The following SAMMSON variants were observed in gnomAD, a reference collection of about 807,000 sequenced individuals.
SAMMSON encodes survival associated mitochondrial melanoma specific oncogenic non-coding RNA.
chr3:70,134,225 A>G (rs2067496418), intron 4 of SAMMSON, among the ~76,000 whole-genome samples: 1 of 151,304 alleles, frequency 6.6e-6, no homozygotes, highest in East Asian at 1.9e-4. Context: ...GTGCCACTGC[A>G]CTCCAGTCTA....
intron 4 of SAMMSON, among the ~76,000 whole-genome samples, chr3:70,187,105 G>T (rs1331404741): frequency 6.6e-6 from 1 of 152,174 alleles, no homozygotes; most frequent in African/African-American, 2.4e-5. Context: ...ACCCACCAAG[G>T]CCGAATGGGG....
intron 4 of SAMMSON, among the ~76,000 whole-genome samples, chr3:70,219,083 A>C (rs995694845): frequency 8.5e-5 from 13 of 152,182 alleles, no homozygotes; most frequent in Non-Finnish European, 1.9e-4. Flanking sequence ...AACACCAAAT[A>C]GTCATTATAG....
rs959270409 is a variant in SAMMSON at position 70,014,459 on chromosome 3, T to TA, written n.417+788dup. On this transcript the variant is annotated intron_variant and non_coding_transcript_variant, in intron 3 of 9. Transcript: ENST00000642114. ...GCATAGTCCCTGATTCCTCAAGACA[T>TA]ACGTTTATTCTTTTCTTCAATGTCT... is the stretch of plus-strand genomic sequence containing the variant. 2.6e-5 allele frequency: 4 copies of TA among 152,328 alleles called. No homozygotes were observed. In the East Asian group the frequency reaches 7.7e-4, roughly 29 times the overall value. The allele number at this position is 152,328 out of a possible 1,614,324, so 9.4% of individuals were successfully genotyped here. A position where few individuals can be genotyped will look rare whatever the true frequency, so the allele number is the denominator to read the frequency against.
At chr3:70,017,326 G>A (rs1308604708) in intron 3 of SAMMSON, among the ~76,000 whole-genome samples, 23 of 152,008 alleles carry the variant, frequency 1.5e-4, no homozygotes, top group Non-Finnish European at 7.4e-5. Context: ...TGGATTCCTA[G>A]GTATTTTATT....
At chr3:70,325,520 G>A (rs574315659) in intron 7 of SAMMSON, among the ~76,000 whole-genome samples, 2 of 152,144 alleles carry the variant, frequency 1.3e-5, no homozygotes, top group Non-Finnish European at 2.9e-5. Context: ...TGCTGTGAGA[G>A]AGGAAAATAT....
At chr3:70,211,055 T>C (rs17006845) in intron 4 of SAMMSON, among the ~76,000 whole-genome samples, 2,959 of 152,228 alleles carry the variant, frequency 0.019, 86 homozygotes, top group African/African-American at 0.065. Flanking sequence ...GACTTTGTAA[T>C]TTTTGCATCC....
intron 4 of SAMMSON, among the ~76,000 whole-genome samples, chr3:70,179,808 G>T (rs1163384687): frequency 6.6e-6 from 1 of 151,902 alleles, no homozygotes; most frequent in East Asian, 2.0e-4. Flanking sequence ...TGAATTCTTG[G>T]ATTATAGTCA....
intron 7 of SAMMSON, among the ~76,000 whole-genome samples, chr3:70,344,283 A>G (rs1702733306): frequency 1.3e-5 from 2 of 152,176 alleles, no homozygotes; most frequent in Admixed American, 1.3e-4. Flanking sequence ...TAGCAGAAGA[A>G]TGGCAGAATT....
chr3:70,286,258 G>C lies in SAMMSON; in HGVS notation n.675-4921G>C, dbSNP rs867892983. ...GTATAAGGTGTAAGGAAGGGATCCA[G>C]TTTCAGCTTTCTACATATGGCTAGC... On this transcript the variant is annotated intron_variant and non_coding_transcript_variant, in intron 6 of 9. Transcript: ENST00000642114. 8.9e-4 allele frequency among the ~76,000 whole-genome samples: 135 copies of C among 152,296 alleles called. 1 individual carries two copies. Among genetic ancestry groups the C allele is most frequent in the African/African-American group, 3.1e-3 (130 of 41,560 alleles).
chr3:70,286,884 T>C (rs1337097763), intron 6 of SAMMSON, among the ~76,000 whole-genome samples: 1 of 152,038 alleles, frequency 6.6e-6, no homozygotes, highest in Non-Finnish European at 1.5e-5. Flanking sequence ...ATAAGAATGC[T>C]TGTGATTTTT....
chr3:70,319,028 G>T (rs964502505), intron 7 of SAMMSON, among the ~76,000 whole-genome samples: 2 of 152,042 alleles, frequency 1.3e-5, no homozygotes, highest in Non-Finnish European at 2.9e-5. Context: ...CCTATGTTCA[G>T]TGCTCAGTCT....
chr3:70,171,712 G>A (rs547856955), intron 4 of SAMMSON, among the ~76,000 whole-genome samples: 2 of 151,906 alleles, frequency 1.3e-5, no homozygotes, highest in African/African-American at 4.8e-5. Flanking sequence ...TTCACTTCGT[G>A]TGTTTTGGAA....
intron 7 of SAMMSON, among the ~76,000 whole-genome samples, chr3:70,336,763 G>A (rs1360183846): frequency 2.6e-5 from 4 of 151,352 alleles, no homozygotes; most frequent in Non-Finnish European, 5.9e-5. Context: ...TTTAGAGAGA[G>A]AGAATCATCA....
At chr3:70,257,605 G>C (rs753632740) in intron 6 of SAMMSON, among the ~76,000 whole-genome samples, 2 of 152,162 alleles carry the variant, frequency 1.3e-5, no homozygotes, top group Non-Finnish European at 2.9e-5. Flanking sequence ...ATTTAAGGAA[G>C]TATATGTGAG....
intron 2 of SAMMSON, among the ~76,000 whole-genome samples, chr3:70,402,005 C>A (rs1033460336): frequency 5.3e-5 from 8 of 152,066 alleles, no homozygotes; most frequent in Admixed American, 2.0e-4. Flanking sequence ...ATTAAGCAGC[C>A]CTGTTTTTCC....
intron 7 of SAMMSON, among the ~76,000 whole-genome samples, chr3:70,343,322 C>A (rs1434387329): frequency 2.0e-5 from 3 of 151,954 alleles, no homozygotes; most frequent in Non-Finnish European, 2.9e-5. Context: ...TTTTTCGGTT[C>A]CAGGATGTCA....
chr3:70,029,209 C>T (rs113137690), intron 3 of SAMMSON, among the ~76,000 whole-genome samples: 6 of 151,700 alleles, frequency 4.0e-5, no homozygotes, highest in African/African-American at 9.7e-5. Context: ...ACACTTAACC[C>T]GTCCTTCTTT....
At chr3:70,241,164 T>C (rs1285373841) in intron 4 of SAMMSON, among the ~76,000 whole-genome samples, 1 of 151,948 alleles carries the variant, frequency 6.6e-6, no homozygotes, top group African/African-American at 2.4e-5. Flanking sequence ...TTCCTGGGAG[T>C]TGAGATATTT....
chr3:70,308,322 G>A (rs1199028241), intron 7 of SAMMSON, among the ~76,000 whole-genome samples: 1 of 151,982 alleles, frequency 6.6e-6, no homozygotes, highest in Non-Finnish European at 1.5e-5. Context: ...CTCCAAAAGT[G>A]CTGAGATTAT....
Sources: allele counts gnomAD v4.1 joint callset (sites outside exome capture counted in the v4.1 genomes callset), GRCh38; gene constraint gnomAD v4.1.1; transcripts MANE v1.5; gene names NCBI Gene and HGNC (gene_info 2026-07-23, HGNC 2026-07-21).